Variants in ANKS1B observed in about 807,000 individuals in gnomAD.
ANKS1B encodes ankyrin repeat and sterile alpha motif domain containing 1B.
A neutral mutation model predicts 148.3 loss-of-function variants in ANKS1B; 36 were observed. That is an observed-to-expected ratio of 0.24 (90% CI 0.19 to 0.32). The LOEUF (loss-of-function observed/expected upper bound fraction) is 0.32. ANKS1B is among the 10% of genes least tolerant of loss of function. The pLI is 1.00. For missense variants in ANKS1B, 1,157 were observed against 1,542.6 expected (o/e 0.75, Z 4.19); for synonymous variants, 542 against 560.8 (o/e 0.97, Z 0.47).
At chr12:99,620,909 C>T (rs1226556277) in intron 9 of ANKS1B, among the ~76,000 whole-genome samples, 1 of 152,094 alleles carries the variant, frequency 6.6e-6, no homozygotes, top group Non-Finnish European at 1.5e-5. Context: ...ACCCAGAGAA[C>T]ACCTGCAAGA....
At chr12:99,273,093 T>A (rs779457675) in intron 12 of ANKS1B, among the ~76,000 whole-genome samples, 1 of 152,164 alleles carries the variant, frequency 6.6e-6, no homozygotes, top group African/African-American at 2.4e-5. Flanking sequence ...TGAAATCCAG[T>A]TGGGTGCAGA....
chr12:98,744,237 T>C lies in ANKS1B; in HGVS notation c.*1502A>G, dbSNP rs1169439300. 1.0e-6 allele frequency: 1 copy of C among 956,704 alleles called. No individual in the cohort carries two copies. The highest frequency in any genetic ancestry group is 1.2e-6 in the Non-Finnish European group (1 of 803,352). 59.3% of individuals were successfully genotyped at this position (956,704 alleles called of 1,614,324 possible). On this transcript the variant is annotated 3_prime_UTR_variant, in exon 27 of 27. Coordinates refer to ENST00000683438, the MANE Select transcript of ANKS1B (RefSeq NM_001352186.2). ...ACTGTTCAGTTCAAGTAATTTAATA[T>C]TGTATTAAAATTCTTCAACACTGAA...
chr12:99,419,528 A>G (rs1229441800), intron 11 of ANKS1B, among the ~76,000 whole-genome samples: 1 of 152,186 alleles, frequency 6.6e-6, no homozygotes, highest in African/African-American at 2.4e-5. Context: ...AGGAAATAAC[A>G]ATATAATGAT....
At chr12:98,908,410 T>C (rs1467098871) in intron 17 of ANKS1B, among the ~76,000 whole-genome samples, 7 of 152,180 alleles carry the variant, frequency 4.6e-5, no homozygotes, top group African/African-American at 1.7e-4. Flanking sequence ...CACTTAACAA[T>C]ATATCATCCC....
chr12:99,598,811 G>A (rs1315833823), intron 9 of ANKS1B, among the ~76,000 whole-genome samples: 1 of 152,026 alleles, frequency 6.6e-6, no homozygotes, highest in Admixed American at 6.6e-5. Context: ...TCCTATGGCT[G>A]CTGTAACAAA....
intron 14 of ANKS1B, among the ~76,000 whole-genome samples, chr12:99,223,650 A>C (rs983486171): frequency 1.3e-5 from 2 of 152,130 alleles, no homozygotes; most frequent in Non-Finnish European, 2.9e-5. Flanking sequence ...CCTGCTATGC[A>C]GCCAGGTTTC....
intron 12 of ANKS1B, among the ~76,000 whole-genome samples, chr12:99,319,118 G>A (rs1413249773): frequency 3.3e-5 from 5 of 152,170 alleles, no homozygotes; most frequent in Admixed American, 2.6e-4. Context: ...TGGAATAAGT[G>A]TGATGTGGTG....
chr12:99,718,858 C>T (rs527874066), intron 8 of ANKS1B, among the ~76,000 whole-genome samples: 1 of 152,300 alleles, frequency 6.6e-6, no homozygotes, highest in South Asian at 2.1e-4. Flanking sequence ...GGCTGTACTG[C>T]CACAAGGCTT....
At chr12:98,922,016 A>C (rs975586303) in intron 17 of ANKS1B, among the ~76,000 whole-genome samples, 2 of 152,230 alleles carry the variant, frequency 1.3e-5, no homozygotes, top group Non-Finnish European at 2.9e-5. Context: ...TCATTACTTC[A>C]AGATAACAAC....
At chr12:99,682,815 T>C (rs2098628965) in intron 8 of ANKS1B, among the ~76,000 whole-genome samples, 2 of 152,072 alleles carry the variant, frequency 1.3e-5, no homozygotes, top group South Asian at 4.1e-4. Context: ...ATAAATGACA[T>C]GAAAAGCTGG....
At chr12:99,229,969 T>C (rs920203493) in intron 14 of ANKS1B, among the ~76,000 whole-genome samples, 3 of 151,608 alleles carry the variant, frequency 2.0e-5, no homozygotes, top group African/African-American at 7.2e-5. Context: ...ATCCATAGTT[T>C]GGAAAAATTT....
chr12:99,528,016 A>G lies in ANKS1B; in HGVS notation c.1273-23375T>C, dbSNP rs1295605802. ...ACCAAAACAGCATGGTACTGGTGCT[A>G]CAGTAGACACATAGACAAGCAGAAC... On this transcript the variant is annotated intron_variant, in intron 9 of 26. Transcript: ENST00000683438. Among the ~76,000 whole-genome samples the G allele has an allele frequency of 3.3e-5, 5 of 152,064 alleles. No homozygotes were observed. The East Asian group carries it at 7.7e-4, about 24-fold the overall frequency.
chr12:99,029,728 G>C, intron 17 of ANKS1B, among the ~76,000 whole-genome samples: 1 of 152,250 alleles, frequency 6.6e-6, no homozygotes, highest in East Asian at 1.9e-4. Flanking sequence ...GAAGAAGGCA[G>C]CTTTACACGT....
chr12:98,839,410 T>C (rs1403135929), intron 17 of ANKS1B, among the ~76,000 whole-genome samples: 1 of 152,158 alleles, frequency 6.6e-6, no homozygotes, highest in African/African-American at 2.4e-5. Flanking sequence ...TATCTTTCTA[T>C]CATCCATCCA....
At chr12:99,940,402 A>C (rs1451588971) in intron 1 of ANKS1B, among the ~76,000 whole-genome samples, 4 of 152,190 alleles carry the variant, frequency 2.6e-5, no homozygotes, top group African/African-American at 4.8e-5. Context: ...GCTAATAATA[A>C]AACAAAACAA....
intron 14 of ANKS1B, among the ~76,000 whole-genome samples, chr12:99,233,786 G>T (rs964789158): frequency 6.6e-6 from 1 of 152,068 alleles, no homozygotes; most frequent in African/African-American, 2.4e-5. Flanking sequence ...AGAGGAAACT[G>T]ATTTCTATTA....
chr12:99,768,814 A>G (rs1312081622), intron 8 of ANKS1B, among the ~76,000 whole-genome samples: 2 of 122,414 alleles, frequency 1.6e-5, no homozygotes, highest in East Asian at 5.1e-4. Flanking sequence ...ACAGAGCACG[A>G]CTCCGTCTCA....
intron 9 of ANKS1B, among the ~76,000 whole-genome samples, chr12:99,644,775 C>T (rs1029658154): frequency 6.6e-6 from 1 of 152,192 alleles, no homozygotes; most frequent in African/African-American, 2.4e-5. Context: ...TAAAATGATT[C>T]TCTCTGGGCT....
chr12:99,470,636 A>G (rs542026399), intron 10 of ANKS1B, among the ~76,000 whole-genome samples: 233 of 152,272 alleles, frequency 1.5e-3, no homozygotes, highest in African/African-American at 5.2e-3. Flanking sequence ...GCAGCATGTG[A>G]ATTTTATGCT....
Sources: gnomAD v4.1 joint callset for allele counts (sites outside exome capture counted in the v4.1 genomes callset) on GRCh38, gnomAD v4.1.1 for gene constraint, MANE v1.5 for transcripts, NCBI Gene and HGNC (gene_info 2026-07-23, HGNC 2026-07-21) for gene names.